The following REV3L variants were observed in gnomAD, a reference collection of about 807,000 sequenced individuals.
The protein encoded by REV3L is DNA polymerase zeta catalytic subunit.
Under a neutral mutation model 299.4 loss-of-function variants are expected in REV3L, and 69 were observed. That is an observed-to-expected ratio of 0.23 (90% CI 0.19 to 0.28). The LOEUF (loss-of-function observed/expected upper bound fraction) is 0.28. REV3L is among the 10% of genes least tolerant of loss of function. The probability of loss-of-function intolerance (pLI) is 1.00; values close to 1 mark genes in which losing one functional copy is unlikely to be tolerated. For missense variants in REV3L, 3,128 were observed against 3,693.8 expected (o/e 0.85, Z 3.97); for synonymous variants, 1,238 against 1,271.4 (o/e 0.97, Z 0.56).
chr6:111,463,553 T>C (rs1409886574), intron 1 of REV3L, among the ~76,000 whole-genome samples: 1 of 152,214 alleles, frequency 6.6e-6, no homozygotes, highest in Non-Finnish European at 1.5e-5. Context: ...AGGGAAAATA[T>C]ACTTCTTAGA....
chr6:111,376,127 T>A lies in REV3L; in HGVS notation c.2228A>T (p.Asn743Ile). ...SSLFPSSFTE[N>I]CELLSCSGEN... Reference sequence around the variant, plus strand: ...CCCTGAGCATGACAGTAATTCACAATTTTCAGTAAATGATGAAGGGAATAA... The same window carrying A: ...CCCTGAGCATGACAGTAATTCACAAATTTCAGTAAATGATGAAGGGAATAA... The change falls in exon 13 of 32, where the codon AAT becomes ATT. Residue 743 changes from asparagine to isoleucine, a missense_variant. Physicochemically the swap from Asn to Ile is moderately radical, Grantham distance 149. This residue lies in a region of REV3L where 2,409 missense variants were observed against 2,611.8 expected (regional missense o/e 0.92). Transcript: ENST00000368802. The A allele has an allele frequency of 1.2e-6, 2 of 1,613,144 alleles. No homozygotes were observed. The highest frequency in any genetic ancestry group is 1.7e-6 in the Non-Finnish European group (2 of 1,179,948).
chr6:111,466,852 A>G (rs1237535221), intron 1 of REV3L, among the ~76,000 whole-genome samples: 1 of 152,256 alleles, frequency 6.6e-6, no homozygotes, highest in African/African-American at 2.4e-5. Flanking sequence ...AAAAAATAAA[A>G]TAAAATTAGA....
At chr6:111,444,568 T>C (rs1788622821) in intron 1 of REV3L, among the ~76,000 whole-genome samples, 2 of 152,098 alleles carry the variant, frequency 1.3e-5, no homozygotes, top group Admixed American at 1.3e-4. Flanking sequence ...AAGAATATGA[T>C]GGGGCCATTT....
intron 1 of REV3L, among the ~76,000 whole-genome samples, chr6:111,421,968 C>T (rs1785413647): frequency 1.3e-5 from 2 of 152,050 alleles, no homozygotes; most frequent in Admixed American, 6.5e-5. Context: ...AACCACAAAA[C>T]GAACTAAACA....
At chr6:111,478,678 T>C (rs577130142) in intron 1 of REV3L, among the ~76,000 whole-genome samples, 5 of 152,000 alleles carry the variant, frequency 3.3e-5, no homozygotes, top group African/African-American at 4.8e-5. Context: ...TTTAATTTTA[T>C]AAAATATAAA....
chr6:111,337,825 C>T (rs1776069929), intron 21 of REV3L, among the ~76,000 whole-genome samples: 1 of 152,108 alleles, frequency 6.6e-6, no homozygotes, highest in Non-Finnish European at 1.5e-5. Context: ...TCAGATCAGT[C>T]CCTTTAAAAT....
intron 31 of REV3L, among the ~76,000 whole-genome samples, 153 bp downstream of exon 31, chr6:111,307,205 TATG>T (rs1487033795): frequency 2.0e-5 from 3 of 152,364 alleles, no homozygotes; most frequent in Admixed American, 1.3e-4. Flanking sequence ...ATTAATAGTT[TATG>T]ATATTTTTGA....
At chr6:111,348,693 AGGCTTGAGTGCAGT>A (rs1161654580) in intron 20 of REV3L, among the ~76,000 whole-genome samples, 2 of 152,258 alleles carry the variant, frequency 1.3e-5, no homozygotes, top group East Asian at 3.8e-4. Context: ...TCTGTCACCC[AGGCTTGAGTGCAGT>A]GGCACAATCA....
intron 22 of REV3L, among the ~76,000 whole-genome samples, chr6:111,335,035 G>A (rs1238553088): frequency 6.6e-6 from 1 of 152,002 alleles, no homozygotes; most frequent in African/African-American, 2.4e-5. Context: ...TGAATTAAAT[G>A]GCTTCTTAGG....
At chr6:111,431,512 G>T in intron 1 of REV3L, 1 of 921,012 alleles carries the variant, frequency 1.1e-6, no homozygotes, top group Non-Finnish European at 1.8e-6. Context: ...AGCCCAGAAT[G>T]AATGTTTCAA....
chr6:111,340,125 G>C lies in REV3L; in HGVS notation c.7538+3800C>G. 2.0e-5 allele frequency among the ~76,000 whole-genome samples: 3 copies of C among 152,192 alleles called. No homozygotes were observed. In the South Asian group the frequency reaches 6.2e-4, roughly 32 times the overall value. On this transcript the variant is annotated intron_variant, in intron 21 of 31. Transcript: ENST00000368802. The stretch of plus-strand genomic sequence containing the variant: ...ACAAAAAAGGAGACAGGAGAATCCC[G>C]AGTACAAAATTCACTTATTCTGAAG...
chr6:111,356,433 G>A (rs1178012453), intron 18 of REV3L, among the ~76,000 whole-genome samples: 2 of 151,536 alleles, frequency 1.3e-5, no homozygotes, highest in African/African-American at 2.4e-5. Flanking sequence ...TTCTACTATC[G>A]GACTGAGGAC....
intron 25 of REV3L, among the ~76,000 whole-genome samples, chr6:111,325,378 T>C (rs542142454): frequency 2.8e-4 from 43 of 152,356 alleles, no homozygotes; most frequent in African/African-American, 9.6e-4. Flanking sequence ...CCTCCACTAT[T>C]AGCTACTTTA....
chr6:111,342,330 T>A (rs1044126788), intron 21 of REV3L, among the ~76,000 whole-genome samples: 1 of 152,096 alleles, frequency 6.6e-6, no homozygotes, highest in African/African-American at 2.4e-5. Context: ...AGAGGTCTGT[T>A]GCCTCTGTGG....
chr6:111,475,066 G>A (rs1292778419), intron 1 of REV3L, among the ~76,000 whole-genome samples: 3 of 149,572 alleles, frequency 2.0e-5, no homozygotes, highest in East Asian at 2.0e-4. Flanking sequence ...TAATACATAG[G>A]CATATATAGC....
intron 5 of REV3L, among the ~76,000 whole-genome samples, chr6:111,391,525 T>C (rs550798474): frequency 6.6e-6 from 1 of 152,370 alleles, no homozygotes; most frequent in African/African-American, 2.4e-5. Flanking sequence ...CTCACAAGTA[T>C]ATATTTAGAT....
At chr6:111,359,613 G>A (rs934238108) in intron 16 of REV3L, among the ~76,000 whole-genome samples, 1 of 148,606 alleles carries the variant, frequency 6.7e-6, no homozygotes, top group African/African-American at 2.5e-5. Context: ...AACATATAAT[G>A]CAAAAAAGTT....
At chr6:111,417,938 C>T (rs1448754580) in intron 1 of REV3L, among the ~76,000 whole-genome samples, 3 of 152,194 alleles carry the variant, frequency 2.0e-5, no homozygotes, top group Admixed American at 6.5e-5. Flanking sequence ...TATTTCATTT[C>T]TAAATACAAC....
intron 29 of REV3L, chr6:111,310,636 C>T (rs535638971): frequency 1.3e-5 from 2 of 156,300 alleles, no homozygotes; most frequent in African/African-American, 4.8e-5. Flanking sequence ...CAGAGTGAGA[C>T]CCTGCCTCCA....
Sources: allele counts gnomAD v4.1 joint callset (sites outside exome capture counted in the v4.1 genomes callset), GRCh38; gene constraint gnomAD v4.1.1; regional missense constraint gnomAD v4.1.1; transcripts MANE v1.5; gene names NCBI Gene and HGNC (gene_info 2026-07-23, HGNC 2026-07-21).